YTHDC2: variants seen among roughly 807,000 people sequenced by gnomAD.
YTHDC2 encodes the protein YTH N6-methyladenosine RNA binding protein C2.
In YTHDC2, 45 loss-of-function variants were observed where a neutral mutation model predicts 174.9. That is an observed-to-expected ratio of 0.26 (90% CI 0.20 to 0.33). The LOEUF is 0.33. YTHDC2 is among the 10% of genes least tolerant of loss of function. YTHDC2 has a pLI of 1.00. For missense variants in YTHDC2, 1,650 were observed against 1,723.7 expected (o/e 0.96, Z 0.76); for synonymous variants, 657 against 574.5 (o/e 1.14, Z -2.05).
intron 1 of YTHDC2, among the ~76,000 whole-genome samples, chr5:113,514,754 A>T (rs935919974): frequency 2.0e-5 from 3 of 152,162 alleles, no homozygotes; most frequent in African/African-American, 7.2e-5. Flanking sequence ...AATTCACATT[A>T]AAAAAAGAGA....
chr5:113,559,938 A>G (rs531596199), intron 17 of YTHDC2, among the ~76,000 whole-genome samples: 1 of 152,182 alleles, frequency 6.6e-6, no homozygotes, highest in Non-Finnish European at 1.5e-5. Flanking sequence ...TGCGTAAGGC[A>G]TTTTGCTTAT....
intron 16 of YTHDC2, among the ~76,000 whole-genome samples, chr5:113,555,833 T>C (rs1208444600): frequency 2.0e-5 from 3 of 152,210 alleles, no homozygotes; most frequent in African/African-American, 7.2e-5. Flanking sequence ...GGAGAAGTTT[T>C]ACGCTCTTCT....
At chr5:113,564,932 G>T (rs1247839734) in intron 20 of YTHDC2, among the ~76,000 whole-genome samples, 13 of 152,076 alleles carry the variant, frequency 8.5e-5, no homozygotes, top group Admixed American at 7.2e-4. Flanking sequence ...TCCTGCCTCA[G>T]CCTCCCGAGT....
In YTHDC2 at chr5:113,563,845, C is replaced by G; in HGVS notation, c.2443-14C>G. 6.2e-7 allele frequency: 1 copy of G among 1,613,702 alleles called. No homozygotes were observed. Among genetic ancestry groups the G allele is most frequent in the Non-Finnish European group, 8.5e-7 (1 of 1,179,806 alleles). On this transcript the variant is annotated splice_polypyrimidine_tract_variant and intron_variant, in intron 19 of 29. Transcript: ENST00000161863. ...TTGCTCACATCAAAGTCTGTTCTGT[C>G]TCCTTTTACTTAGACAATAGATGCA...
chr5:113,570,955 C>T (rs897294505), intron 23 of YTHDC2, among the ~76,000 whole-genome samples: 38 of 152,022 alleles, frequency 2.5e-4, no homozygotes, highest in Admixed American at 2.3e-3. Flanking sequence ...ACCCACCCGA[C>T]GTGAATACTC....
intron 2 of YTHDC2, among the ~76,000 whole-genome samples, chr5:113,516,502 A>G (rs1773435922): frequency 6.6e-6 from 1 of 152,194 alleles, no homozygotes; most frequent in African/African-American, 2.4e-5. Flanking sequence ...TGTTGGTGCT[A>G]TTGACATTTT....
intron 16 of YTHDC2, among the ~76,000 whole-genome samples, chr5:113,554,239 TTAAA>T (rs72295461): frequency 0.08 from 12,202 of 152,052 alleles, 695 homozygotes; most frequent in Non-Finnish European, 0.11. Context: ...ATATTCTGCC[TTAAA>T]TAATTCAGTA....
chr5:113,591,285 A>G (rs2303717), intron 27 of YTHDC2, 41 bp downstream of exon 27: 859,595 of 1,596,872 alleles, frequency 0.54, 240,240 homozygotes, highest in African/African-American at 0.91. Context: ...TGTTCTGGCT[A>G]TAGGTTAAAT....
Position 113,535,635 on chromosome 5 carries a change from A to T in YTHDC2, c.946-7A>T. The T allele has an allele frequency of 1.3e-6, 2 of 1,595,348 alleles. No individual in the cohort carries two copies. The highest frequency in any genetic ancestry group is 1.7e-6 in the Non-Finnish European group (2 of 1,172,726). Reference sequence around the variant, plus strand: ...CTGTTCCATGGTTTTATTTCTGTTTACTATAGGATGAAGTGCATGAAAGGG... The same window carrying T: ...CTGTTCCATGGTTTTATTTCTGTTTTCTATAGGATGAAGTGCATGAAAGGG... On this transcript the variant is annotated splice_region_variant and splice_polypyrimidine_tract_variant and intron_variant, in intron 6 of 29. Coordinates refer to ENST00000161863, the MANE Select transcript of YTHDC2 (RefSeq NM_022828.5).
chr5:113,556,173 A>G, intron 17 of YTHDC2, 39 bp downstream of exon 17: 1 of 1,266,754 alleles, frequency 7.9e-7, no homozygotes, highest in Non-Finnish European at 1.1e-6. Flanking sequence ...AATTGCCTGT[A>G]AAATGGAAAC....
At chr5:113,560,530 C>T (rs1202938136) in intron 17 of YTHDC2, among the ~76,000 whole-genome samples, 1 of 152,156 alleles carries the variant, frequency 6.6e-6, no homozygotes, top group Non-Finnish European at 1.5e-5. Context: ...TTCTATATCT[C>T]TATCCCTAAG....
At chr5:113,515,416 G>A (rs891990952) in intron 2 of YTHDC2, 54 bp downstream of exon 2, 3 of 1,438,936 alleles carry the variant, frequency 2.1e-6, no homozygotes, top group African/African-American at 2.9e-5. Context: ...GCCCAAAAAA[G>A]GGAGAAACGT....
intron 18 of YTHDC2, among the ~76,000 whole-genome samples, chr5:113,563,054 T>C (rs1320071882): frequency 2.5e-5 from 3 of 121,714 alleles, no homozygotes; most frequent in Admixed American, 1.7e-4. Context: ...GTAGTAAGTA[T>C]AAAGGGGGGA....
At chr5:113,564,481 G>T (rs1580597568) in intron 20 of YTHDC2, among the ~76,000 whole-genome samples, 1 of 152,230 alleles carries the variant, frequency 6.6e-6, no homozygotes, top group East Asian at 1.9e-4. Flanking sequence ...AAAGTACATA[G>T]AATAAAGCTT....
intron 2 of YTHDC2, among the ~76,000 whole-genome samples, chr5:113,519,834 TG>T (rs1489497614): frequency 1.3e-5 from 2 of 152,340 alleles, no homozygotes; most frequent in East Asian, 3.9e-4. Flanking sequence ...CTCACACAAA[TG>T]CCATTCAGAG....
At chr5:113,539,921 A>C (rs1775333886) in intron 8 of YTHDC2, among the ~76,000 whole-genome samples, 1 of 152,126 alleles carries the variant, frequency 6.6e-6, no homozygotes, top group Non-Finnish European at 1.5e-5. Context: ...ATTTTTTTAG[A>C]GACAGGTTCT....
chr5:113,531,189 A>G (rs1774633375), intron 4 of YTHDC2, among the ~76,000 whole-genome samples: 1 of 152,100 alleles, frequency 6.6e-6, no homozygotes, highest in Admixed American at 6.5e-5. Flanking sequence ...GGTGGTACTT[A>G]CGCATTTATG....
At chr5:113,559,081 G>A (rs1292891904) in intron 17 of YTHDC2, among the ~76,000 whole-genome samples, 1 of 152,066 alleles carries the variant, frequency 6.6e-6, no homozygotes, top group Non-Finnish European at 1.5e-5. Flanking sequence ...AGAGCAGATG[G>A]CTAAGGGTTC....
At position 113,567,282 on chromosome 5, in the gene YTHDC2, G is replaced by A. The variant is rs759994881; in HGVS notation, c.3033G>A (p.Gln1011=). 5.0e-6 allele frequency: 8 copies of A among 1,609,750 alleles called. No homozygotes were observed. The African/African-American group carries it at 1.1e-4, about 22-fold the overall frequency. The stretch of plus-strand genomic sequence containing the variant: ...TTCATCCTGCTTCAGTTCTCAGTCA[G>A]CCTCAATATAAAAAGGTAAAAGATT... ...VRFHPASVLS[Q]PQYKKIPPAN... is the part of the protein sequence containing the mutation. Residue 1011 remains glutamine, a synonymous_variant, in exon 22 of 30, where the codon CAG becomes CAA. Coordinates refer to ENST00000161863, the MANE Select transcript of YTHDC2 (RefSeq NM_022828.5).
Sources: gnomAD v4.1 joint callset for allele counts (sites outside exome capture counted in the v4.1 genomes callset) on GRCh38, gnomAD v4.1.1 for gene constraint, MANE v1.5 for transcripts, NCBI Gene and HGNC (gene_info 2026-07-23, HGNC 2026-07-21) for gene names.